Variants in SLC25A48 observed in about 807,000 individuals in gnomAD.
SLC25A48 encodes the protein solute carrier family 25 member 48, also known as CTC-321K16.1.
In SLC25A48, 29 loss-of-function variants were observed where a neutral mutation model predicts 32.2. That is an observed-to-expected ratio of 0.90 (90% CI 0.67 to 1.23). The LOEUF (loss-of-function observed/expected upper bound fraction) is 1.23. Among genes scored for constraint, SLC25A48 ranks in the 50% most tolerant of loss-of-function variants. The pLI is 0.00. For missense variants in SLC25A48, 399 were observed against 422.7 expected (o/e 0.94, Z 0.49); for synonymous variants, 164 against 172.3 (o/e 0.95, Z 0.38).
chr5:135,879,951 C>G lies in SLC25A48; in HGVS notation c.814-17C>G. 1 of 1,536,178 alleles carries G rather than the reference C, an allele frequency of 6.5e-7. No homozygotes were observed. The highest frequency in any genetic ancestry group is 8.7e-7 in the Non-Finnish European group (1 of 1,146,834). ...GTGTGGGTCAGTCCCCTGCAATAACCTGGCCCCTGTGCAAAGGTGTTTTTC... is the reference window on the plus strand; with the variant it reads ...GTGTGGGTCAGTCCCCTGCAATAACGTGGCCCCTGTGCAAAGGTGTTTTTC... On this transcript the variant is annotated splice_polypyrimidine_tract_variant and intron_variant, in intron 6 of 7. Transcript: ENST00000681962.
At chr5:135,589,018 G>T (rs932198445) in intron 1 of SLC25A48, among the ~76,000 whole-genome samples, 1 of 152,112 alleles carries the variant, frequency 6.6e-6, no homozygotes, top group Non-Finnish European at 1.5e-5. Context: ...GAGAAAAAGG[G>T]GCACATGGAA....
intron 3 of SLC25A48, among the ~76,000 whole-genome samples, chr5:135,763,905 G>C (rs146056828): frequency 2.0e-5 from 3 of 152,026 alleles, no homozygotes; most frequent in African/African-American, 4.8e-5. Context: ...ACAGATTCTC[G>C]CTCTGCCGCC....
At chr5:135,605,797 G>A (rs1010592387) in intron 1 of SLC25A48, among the ~76,000 whole-genome samples, 4 of 152,200 alleles carry the variant, frequency 2.6e-5, no homozygotes, top group African/African-American at 9.6e-5. Flanking sequence ...TACAGTACCA[G>A]ATATGAGCAG....
intron 2 of SLC25A48, among the ~76,000 whole-genome samples, chr5:135,843,957 A>G (rs1383966212): frequency 6.6e-6 from 1 of 152,144 alleles, no homozygotes; most frequent in Non-Finnish European, 1.5e-5. Flanking sequence ...CAGCAAGTTC[A>G]TGTCTGAAGT....
chr5:135,737,608 A>C (rs1755405446), intron 3 of SLC25A48, among the ~76,000 whole-genome samples: 1 of 152,194 alleles, frequency 6.6e-6, no homozygotes, highest in Non-Finnish European at 1.5e-5. Flanking sequence ...GGAAACCTGG[A>C]AAAGCTCTTT....
chr5:135,802,983 G>GT (rs1304162865), intron 3 of SLC25A48: 7 of 150,926 alleles, frequency 4.6e-5, no homozygotes, highest in Non-Finnish European at 5.9e-5. Flanking sequence ...ATCACAGTAG[G>GT]GTACAACATT....
At chr5:135,728,255 CAAA>C (rs10578008) in intron 3 of SLC25A48, among the ~76,000 whole-genome samples, 2,775 of 131,274 alleles carry the variant, frequency 0.021, 71 homozygotes, top group East Asian at 0.076. Context: ...GACTCTGTCT[CAAA>C]AAAAAAAAAA....
At chr5:135,849,065 A>G (rs1759630073) in intron 2 of SLC25A48, among the ~76,000 whole-genome samples, 1 of 152,260 alleles carries the variant, frequency 6.6e-6, no homozygotes, top group Non-Finnish European at 1.5e-5. Context: ...ATTAAAAATA[A>G]TGAAAGTAAC....
At chr5:135,619,508 G>A (rs1286525688) in intron 1 of SLC25A48, among the ~76,000 whole-genome samples, 1 of 152,170 alleles carries the variant, frequency 6.6e-6, no homozygotes, top group African/African-American at 2.4e-5. Context: ...GAATCTGTTG[G>A]TGGAGAGTTG....
At chr5:135,883,167 G>A (rs1762594640) in intron 7 of SLC25A48, 2 of 985,374 alleles carry the variant, frequency 2.0e-6, no homozygotes, top group Non-Finnish European at 2.4e-6. Context: ...AGCCAGGCAG[G>A]CTGTCCTCAG....
chr5:135,690,055 C>T (rs546623859), intron 3 of SLC25A48, among the ~76,000 whole-genome samples: 3 of 152,242 alleles, frequency 2.0e-5, no homozygotes, highest in South Asian at 4.1e-4. Context: ...CCCACTGCCT[C>T]GGTTTGCTTG....
At position 135,784,044 on chromosome 5, in the gene SLC25A48, A is replaced by G. The variant is rs1756780848; in HGVS notation, c.-520-28479A>G. 1.7e-5 allele frequency among the ~76,000 whole-genome samples: 2 copies of G among 118,360 alleles called. 1 individual carries two copies. Among genetic ancestry groups the G allele is most frequent in the South Asian group, 5.9e-4 (2 of 3,372 alleles). The allele number at this position is 118,360 out of a possible 152,430, so 77.6% of individuals were successfully genotyped here. A position where few individuals can be genotyped will look rare whatever the true frequency, so the allele number is the denominator to read the frequency against. On this transcript the variant is annotated intron_variant, in intron 3 of 10. Coordinates refer to the SLC25A48 transcript ENST00000646290. ...TATTGTTTCTAATATCCAGGTAAAG[A>G]GAGGGTGATATTCCTGTCAATATCG...
intron 3 of SLC25A48, among the ~76,000 whole-genome samples, chr5:135,735,100 C>T (rs1755330195): frequency 6.6e-6 from 1 of 152,190 alleles, no homozygotes; most frequent in Non-Finnish European, 1.5e-5. Flanking sequence ...AGGCTGAGGG[C>T]ATTCCTTGGC....
chr5:135,851,352 G>A (rs555846015), intron 3 of SLC25A48, among the ~76,000 whole-genome samples: 28 of 152,286 alleles, frequency 1.8e-4, no homozygotes, highest in African/African-American at 6.0e-4. Flanking sequence ...TGGTGTTCCC[G>A]GGTGATGCTG....
chr5:135,777,788 G>T (rs116687508), intron 3 of SLC25A48, among the ~76,000 whole-genome samples: 5 of 148,432 alleles, frequency 3.4e-5, no homozygotes, highest in East Asian at 4.0e-4. Flanking sequence ...AATATCCGGG[G>T]GGGGGGGGAA....
intron 4 of SLC25A48, among the ~76,000 whole-genome samples, chr5:135,866,161 C>G (rs1761186695): frequency 6.6e-6 from 1 of 152,198 alleles, no homozygotes; most frequent in East Asian, 1.9e-4. Flanking sequence ...AAAGTGGCCT[C>G]TTGAGAAATT....
intron 2 of SLC25A48, among the ~76,000 whole-genome samples, chr5:135,849,024 G>A (rs918115142): frequency 1.3e-5 from 2 of 152,184 alleles, no homozygotes; most frequent in African/African-American, 2.4e-5. Flanking sequence ...CATACGAGTT[G>A]TGTACTTAAC....
chr5:135,884,033 G>A (rs539520202), intron 7 of SLC25A48, among the ~76,000 whole-genome samples: 8 of 152,260 alleles, frequency 5.3e-5, no homozygotes, highest in South Asian at 2.1e-4. Context: ...GCACAGTGCC[G>A]TGGCAGCCAC....
At chr5:135,755,746 G>GAT (rs556301558) in intron 3 of SLC25A48, among the ~76,000 whole-genome samples, 168 of 150,798 alleles carry the variant, frequency 1.1e-3, no homozygotes, top group Middle Eastern at 3.6e-3. Flanking sequence ...ATATCGCTGT[G>GAT]ATATATATAT....
Sources: gnomAD v4.1 joint callset for allele counts (sites outside exome capture counted in the v4.1 genomes callset) on GRCh38, gnomAD v4.1.1 for gene constraint, MANE v1.5 for transcripts, NCBI Gene and HGNC (gene_info 2026-07-23, HGNC 2026-07-21) for gene names.